Variants in TENM2 observed in about 807,000 individuals in gnomAD.
TENM2 encodes the protein teneurin-2.
Under a neutral mutation model 245.2 loss-of-function variants are expected in TENM2, and 52 were observed. The observed-to-expected ratio is 0.21, with a 90% confidence interval of 0.17 to 0.27. The LOEUF is 0.27. TENM2 is among the 10% of genes least tolerant of loss of function. TENM2 has a pLI of 1.00. For missense variants in TENM2, 3,046 were observed against 3,666.8 expected, an observed-to-expected ratio of 0.83 and a Z score of 4.37; for synonymous variants, 1,363 against 1,438.9, an observed-to-expected ratio of 0.95 and a Z score of 1.19.
At chr5:167,970,843 G>A (rs965267568) in intron 4 of TENM2, among the ~76,000 whole-genome samples, 1 of 152,012 alleles carries the variant, frequency 6.6e-6, no homozygotes, top group Non-Finnish European at 1.5e-5. Flanking sequence ...CTTCAGTGCA[G>A]CAGGGGGTAA....
chr5:167,191,944 A>G, the TENM2 span, among the ~76,000 whole-genome samples: 3 of 152,200 alleles, frequency 2.0e-5, no homozygotes, highest in South Asian at 2.1e-4. Flanking sequence ...TGGTATACTG[A>G]CATGTTGCCG....
rs113287543 is a variant in TENM2, at chr5:168,199,909, C to T, written c.3208C>T (p.Arg1070Cys). Reference sequence around the variant, plus strand: ...GCTCCCTGGTTCCAATGTGAAACTTCGCTATCTGAGCTCTAGAACTGCAGG... The same window carrying T: ...GCTCCCTGGTTCCAATGTGAAACTTTGCTATCTGAGCTCTAGAACTGCAGG... The change falls in exon 17 of 29, where the codon CGC (arginine) becomes TGC (cysteine). Residue 1070 changes from arginine (R) to cysteine (C), a missense_variant. This residue lies in a region of TENM2 where 2,704 missense variants were observed against 3,331.9 expected (regional missense o/e 0.81). Transcript: ENST00000518659. 1.1e-4 allele frequency: 185 copies of T among 1,613,942 alleles called. 2 individuals are homozygous for T. Among genetic ancestry groups the T allele is most frequent in the Admixed American group, 1.1e-3 (65 of 60,006 alleles).
chr5:168,183,493 C>T (rs981000360), intron 13 of TENM2, among the ~76,000 whole-genome samples: 1 of 152,182 alleles, frequency 6.6e-6, no homozygotes, highest in Non-Finnish European at 1.5e-5. Flanking sequence ...ATGGTTCCCC[C>T]TTTTTACTCA....
At chr5:167,106,361 A>G in the TENM2 span, among the ~76,000 whole-genome samples, 1 of 152,166 alleles carries the variant, frequency 6.6e-6, no homozygotes, top group Non-Finnish European at 1.5e-5. Flanking sequence ...TGACATTTTA[A>G]CAGTATCCTA....
intron 1 of TENM2, among the ~76,000 whole-genome samples, chr5:167,347,970 C>A (rs1332185872): frequency 6.6e-6 from 1 of 152,152 alleles, no homozygotes; most frequent in Non-Finnish European, 1.5e-5. Context: ...AACAGTCCCT[C>A]ATGTCCACCG....
At chr5:167,007,482 G>A in the TENM2 span, among the ~76,000 whole-genome samples, 2 of 152,192 alleles carry the variant, frequency 1.3e-5, no homozygotes, top group Non-Finnish European at 2.9e-5. This position sits in a 1 kb window ranked among gnomAD's most constrained non-coding sequence, Gnocchi z 4.2. Flanking sequence ...TATCAAAAGC[G>A]AAAAGTTACT....
chr5:167,385,860 G>A lies in TENM2; in HGVS notation c.502+10387G>A, dbSNP rs372378844. On this transcript the variant is annotated intron_variant, in intron 2 of 28. Transcript: ENST00000518659. Reference sequence around the variant, plus strand: ...GTAGTATTCCATTATATATATATGTGTGTGTGTGTGTGTGTGTGTGTGTGT... The same window carrying A: ...GTAGTATTCCATTATATATATATGTATGTGTGTGTGTGTGTGTGTGTGTGT... Among the ~76,000 whole-genome samples, 424 of 53,148 alleles carry A rather than the reference G, an allele frequency of 8.0e-3. 2 individuals are homozygous for A. Among genetic ancestry groups the A allele is most frequent in the East Asian group, 0.043 (144 of 3,374 alleles). The allele number at this position is 53,148 out of a possible 152,430, so 34.9% of individuals were successfully genotyped here.
At chr5:168,089,794 G>T (rs971719854) in intron 7 of TENM2, among the ~76,000 whole-genome samples, 2 of 152,112 alleles carry the variant, frequency 1.3e-5, no homozygotes, top group Non-Finnish European at 2.9e-5. Context: ...TTCAAGAATT[G>T]AATAAAATGA....
At chr5:167,790,561 C>T (rs542146764) in intron 2 of TENM2, among the ~76,000 whole-genome samples, 4 of 152,256 alleles carry the variant, frequency 2.6e-5, no homozygotes, top group South Asian at 2.1e-4. Context: ...GAAACATAAA[C>T]GTTGCAGTGC....
At chr5:168,010,832 C>T (rs1785165545) in intron 5 of TENM2, among the ~76,000 whole-genome samples, 3 of 152,198 alleles carry the variant, frequency 2.0e-5, no homozygotes, top group African/African-American at 2.4e-5. Context: ...GTATTAGGAA[C>T]GAATGCCCCT....
intron 3 of TENM2, among the ~76,000 whole-genome samples, chr5:167,937,223 A>G (rs1778792779): frequency 6.6e-6 from 1 of 152,224 alleles, no homozygotes; most frequent in African/African-American, 2.4e-5. Flanking sequence ...ATAGTACTCC[A>G]TGAATTATAC....
chr5:168,099,454 A>G (rs915348300), intron 9 of TENM2, among the ~76,000 whole-genome samples: 1 of 152,206 alleles, frequency 6.6e-6, no homozygotes, highest in Non-Finnish European at 1.5e-5. Flanking sequence ...TATTGTGAGG[A>G]TAGTGTAAGA....
intron 2 of TENM2, among the ~76,000 whole-genome samples, chr5:167,668,669 C>T (rs961633803): frequency 2.0e-5 from 3 of 152,130 alleles, no homozygotes; most frequent in African/African-American, 7.2e-5. Context: ...ATAGTAAAGG[C>T]TTATTGTAAG....
At chr5:167,291,934 G>A (rs771743895) in intron 1 of TENM2, among the ~76,000 whole-genome samples, 7 of 152,130 alleles carry the variant, frequency 4.6e-5, no homozygotes, top group Non-Finnish European at 1.0e-4. Context: ...GAGGTTTAAT[G>A]GACTTACAGT....
intron 5 of TENM2, among the ~76,000 whole-genome samples, chr5:167,994,612 C>G (rs1161037922): frequency 6.6e-6 from 1 of 152,204 alleles, no homozygotes; most frequent in Non-Finnish European, 1.5e-5. Context: ...GAAAAATAAG[C>G]ATTTATATTC....
the TENM2 span, among the ~76,000 whole-genome samples, chr5:167,012,134 A>G: frequency 1.3e-5 from 2 of 152,212 alleles, no homozygotes; most frequent in Non-Finnish European, 2.9e-5. Flanking sequence ...CTTACTCTAT[A>G]GAAGTCTTGT....
At chr5:167,014,082 A>G in the TENM2 span, among the ~76,000 whole-genome samples, 2 of 151,546 alleles carry the variant, frequency 1.3e-5, no homozygotes, top group East Asian at 3.9e-4. Flanking sequence ...AGAAAGCATT[A>G]GATTGTAGGA....
intron 2 of TENM2, among the ~76,000 whole-genome samples, chr5:167,420,465 A>G (rs72829343): frequency 0.015 from 2,323 of 151,868 alleles, 32 homozygotes; most frequent in Middle Eastern, 0.045. Context: ...AAGTTCTATG[A>G]CCTCACCTCC....
intron 20 of TENM2, among the ~76,000 whole-genome samples, chr5:168,212,279 G>C (rs1042980462): frequency 1.3e-5 from 2 of 151,876 alleles, no homozygotes; most frequent in Admixed American, 6.6e-5. Context: ...AATCACTTTT[G>C]AATAGTTTGA....
Sources: allele counts gnomAD v4.1 joint callset (sites outside exome capture counted in the v4.1 genomes callset), GRCh38; gene constraint gnomAD v4.1.1; regional missense constraint gnomAD v4.1.1; non-coding constraint Gnocchi (gnomAD v3.1); transcripts MANE v1.5; gene names NCBI Gene and HGNC (gene_info 2026-07-23, HGNC 2026-07-21).